Variants in COL25A1 observed in about 807,000 individuals in gnomAD.
The protein encoded by COL25A1 is collagen type XXV alpha 1 chain.
A neutral mutation model predicts 128.4 loss-of-function variants in COL25A1; 103 were observed. The ratio of observed to expected loss-of-function variants is 0.80; its 90% CI spans 0.68 to 0.94. The LOEUF is 0.94. Among genes scored for constraint, COL25A1 ranks in the 40% least tolerant of loss-of-function variants. The pLI, the probability that COL25A1 is intolerant of heterozygous loss-of-function variation, is 0.00. For synonymous variants in COL25A1, 279 were observed against 277.2 expected (o/e 1.01, Z -0.06); for missense variants, 745 against 840.0 (o/e 0.89, Z 1.40).
intron 3 of COL25A1, among the ~76,000 whole-genome samples, chr4:109,157,562 A>G (rs1380377366): frequency 2.0e-5 from 3 of 152,240 alleles, no homozygotes; most frequent in Non-Finnish European, 4.4e-5. Flanking sequence ...CATGGTAATC[A>G]TCTCTCCTGA....
chr4:108,940,696 C>T, intron 9 of COL25A1, 50 bp from the exon 10 acceptor site: 1 of 1,253,560 alleles, frequency 8.0e-7, no homozygotes, highest in Non-Finnish European at 1.1e-6. Context: ...AGATAAAGAC[C>T]CAGGTCTTCT....
At chr4:109,136,457 A>T (rs1769775805) in intron 3 of COL25A1, among the ~76,000 whole-genome samples, 1 of 152,222 alleles carries the variant, frequency 6.6e-6, no homozygotes, top group Non-Finnish European at 1.5e-5. Context: ...AAGAAAGAGC[A>T]AGAGCTCCTA....
Position 109,198,126 on chromosome 4 carries a change from C to A in COL25A1, c.367+102457G>T, listed in dbSNP as rs550611593. 2.3e-3 allele frequency among the ~76,000 whole-genome samples: 344 copies of A among 152,160 alleles called. 1 individual carries two copies. The highest frequency in any genetic ancestry group is 7.6e-3 in the African/African-American group (316 of 41,516). ...TTTTTTCATTATATCTTACCCCGGT[C>A]GTCTCAAAGATGAGCGTGTGGCTCT... is the stretch of plus-strand genomic sequence containing the variant. On this transcript the variant is annotated intron_variant, in intron 3 of 37. Coordinates refer to ENST00000399132, the MANE Select transcript of COL25A1 (RefSeq NM_198721.4).
intron 3 of COL25A1, among the ~76,000 whole-genome samples, chr4:109,136,893 G>A (rs1418753785): frequency 6.6e-6 from 1 of 152,174 alleles, no homozygotes; most frequent in African/African-American, 2.4e-5. Context: ...TCTCACTCTG[G>A]GGGAAGCCAA....
intron 6 of COL25A1, among the ~76,000 whole-genome samples, chr4:109,008,078 C>G (rs148340737): frequency 2.6e-5 from 4 of 152,308 alleles, no homozygotes; most frequent in African/African-American, 7.2e-5. Context: ...CTATAAGACA[C>G]GAGCACTTGG....
intron 11 of COL25A1, among the ~76,000 whole-genome samples, chr4:108,936,828 G>C (rs961953318): frequency 1.9e-5 from 2 of 104,486 alleles, no homozygotes; most frequent in Non-Finnish European, 4.3e-5. Context: ...TATATATTTA[G>C]AGACAGGGTC....
intron 5 of COL25A1, among the ~76,000 whole-genome samples, chr4:109,033,073 A>T (rs1357111806): frequency 6.6e-6 from 1 of 152,250 alleles, no homozygotes. Flanking sequence ...TTCAGAAATA[A>T]AGTCTGCTAA....
chr4:108,884,210 G>A lies in COL25A1; in HGVS notation c.988C>T (p.Leu330Phe). 1 of 1,613,452 alleles carries A rather than the reference G, an allele frequency of 6.2e-7. No homozygotes were observed. The highest frequency in any genetic ancestry group is 8.5e-7 in the Non-Finnish European group (1 of 1,179,672). Reference sequence around the variant, plus strand: ...CCCGGAAGTCCAGGAAGCCCAGGAAGCCCTGGTTCACCCTACACAGGAAAA... The same window carrying A: ...CCCGGAAGTCCAGGAAGCCCAGGAAACCCTGGTTCACCCTACACAGGAAAA... ...GRPGQKGEPG[L>F]PGLPGLPGIK... Residue 330 changes from leucine (L) to phenylalanine (F), a missense_variant, in exon 19 of 38, where the codon CTT becomes TTT. By Grantham distance (22) the Leu-to-Phe change is conservative (BLOSUM62 0). Around this residue, in one of 3 missense-constraint regions of COL25A1, gnomAD observed 387 missense variants for 441.9 expected, o/e 0.88. Coordinates refer to ENST00000399132, the MANE Select transcript of COL25A1 (RefSeq NM_198721.4).
At chr4:109,138,995 C>A (rs1433821296) in intron 3 of COL25A1, among the ~76,000 whole-genome samples, 1 of 152,164 alleles carries the variant, frequency 6.6e-6, no homozygotes, top group East Asian at 1.9e-4. Flanking sequence ...GCATGAGCCA[C>A]CACACCCAGC....
At chr4:108,846,104 T>G (rs766591621) in intron 28 of COL25A1, 35 bp downstream of exon 28, 1 of 1,338,804 alleles carries the variant, frequency 7.5e-7, no homozygotes, top group South Asian at 1.2e-5. Context: ...GAACATAATA[T>G]AAAAAGTATA....
At position 109,211,262 on chromosome 4, in the gene COL25A1, ATATATATGAAAC is replaced by A. The variant is rs1417181626; in HGVS notation, c.367+89309_367+89320del. Among the ~76,000 whole-genome samples, 5 of 48,720 alleles carry A rather than the reference ATATATATGAAAC, an allele frequency of 1.0e-4. No individual in the cohort carries two copies. In the African/African-American group the frequency reaches 2.0e-3, roughly 19 times the overall value. The allele number at this position is 48,720 out of a possible 152,430, so 32.0% of individuals were successfully genotyped here. A position where few individuals can be genotyped will look rare whatever the true frequency, so the allele number is the denominator to read the frequency against. On this transcript the variant is annotated intron_variant, in intron 3 of 37. Transcript: ENST00000399132. ...TATATATATGAAACAATATATATGT[ATATATATGAAAC>A]TATATATATATGAAACTATATATAT... is the stretch of plus-strand genomic sequence containing the variant.
chr4:109,170,867 T>C (rs1773521843), intron 3 of COL25A1, among the ~76,000 whole-genome samples: 1 of 152,116 alleles, frequency 6.6e-6, no homozygotes, highest in Non-Finnish European at 1.5e-5. Flanking sequence ...GGGACCCACA[T>C]TGTGCTTCTA....
intron 8 of COL25A1, among the ~76,000 whole-genome samples, chr4:108,954,272 TA>T (rs1280541502): frequency 1.3e-5 from 2 of 152,112 alleles, no homozygotes; most frequent in Non-Finnish European, 2.9e-5. Context: ...TGAAAAATCA[TA>T]AAATAAACTT....
Position 108,819,137 on chromosome 4 carries a change from T to C in COL25A1, c.1923+115A>G, listed in dbSNP as rs992884619. ...AGGAGCCTGTTCATGCACATGCATG[T>C]AGTGTGTTTATCATGTAAAGCTTGC... On this transcript the variant is annotated intron_variant, in intron 36 of 37. Transcript: ENST00000399132. The C allele has an allele frequency of 1.2e-5, 8 of 690,392 alleles. No homozygotes were observed. In the African/African-American group the frequency reaches 1.4e-4, roughly 12 times the overall value. 42.8% of individuals were successfully genotyped at this position (690,392 alleles called of 1,614,324 possible). A position where few individuals can be genotyped will look rare whatever the true frequency, so the allele number is the denominator to read the frequency against.
intron 3 of COL25A1, among the ~76,000 whole-genome samples, chr4:109,251,573 CT>C (rs762388194): frequency 1.4e-4 from 22 of 152,350 alleles, no homozygotes; most frequent in Admixed American, 4.6e-4. Flanking sequence ...TAACTCCCTT[CT>C]TTGCCTGTTG....
Position 108,905,572 on chromosome 4 carries a change from C to T in COL25A1, c.781-4400G>A, listed in dbSNP as rs1200148096. Among the ~76,000 whole-genome samples, 12 of 151,050 alleles carry T rather than the reference C, an allele frequency of 7.9e-5. No individual in the cohort carries two copies. The East Asian group carries it at 2.3e-3, about 29-fold the overall frequency. On this transcript the variant is annotated intron_variant, in intron 13 of 37. Transcript: ENST00000399132. Reference sequence around the variant, plus strand: ...TAATAATATTACTTGTTTCTTTTTACCTTTTTTCAATGTGGTTAACAGAAA... The same window carrying T: ...TAATAATATTACTTGTTTCTTTTTATCTTTTTTCAATGTGGTTAACAGAAA...
Position 109,046,266 on chromosome 4 carries a change from C to A in COL25A1, c.420+1902G>T, listed in dbSNP as rs182869331. Among the ~76,000 whole-genome samples, 3 of 152,248 alleles carry A rather than the reference C, an allele frequency of 2.0e-5. No homozygotes were observed. The East Asian group carries it at 5.8e-4, about 29-fold the overall frequency. ...TTACACTAGGGGCTTAATGCTAATT[C>A]TCTCTTATTTCTATGTAATAAGAAA... On this transcript the variant is annotated intron_variant, in intron 5 of 37. Coordinates refer to ENST00000399132, the MANE Select transcript of COL25A1 (RefSeq NM_198721.4).
At chr4:109,207,627 TAAAG>T (rs1777119622) in intron 3 of COL25A1, among the ~76,000 whole-genome samples, 1 of 152,166 alleles carries the variant, frequency 6.6e-6, no homozygotes, top group Non-Finnish European at 1.5e-5. Flanking sequence ...AGATAAGTGT[TAAAG>T]AAAACAGAAA....
Position 108,811,006 on chromosome 4 carries a change from G to T in COL25A1, c.*2921C>A, listed in dbSNP as rs1307336719. 1.3e-5 allele frequency: 2 copies of T among 151,970 alleles called. No homozygotes were observed. Among genetic ancestry groups the T allele is most frequent in the Non-Finnish European group, 2.9e-5 (2 of 67,862 alleles). 9.4% of individuals were successfully genotyped at this position (151,970 alleles called of 1,614,324 possible). The stretch of plus-strand genomic sequence containing the variant: ...ATCCTTCAATGTTTTATTAGAAATA[G>T]AAACTGACCTTGCCTTATTTCCAAT... On this transcript the variant is annotated 3_prime_UTR_variant, in exon 38 of 38. Transcript: ENST00000399132.
Sources: allele counts gnomAD v4.1 joint callset (sites outside exome capture counted in the v4.1 genomes callset), GRCh38; gene constraint gnomAD v4.1.1; regional missense constraint gnomAD v4.1.1; transcripts MANE v1.5; gene names NCBI Gene and HGNC (gene_info 2026-07-23, HGNC 2026-07-21).